The following KCNIP4 variants were observed in gnomAD, a reference collection of about 807,000 sequenced individuals.
KCNIP4 encodes the protein potassium voltage-gated channel interacting protein 4, also known as Kv channel-interacting protein 4.
Under a neutral mutation model 34.0 loss-of-function variants are expected in KCNIP4, and 12 were observed. That is an observed-to-expected ratio of 0.35 (90% CI 0.23 to 0.57). The LOEUF (loss-of-function observed/expected upper bound fraction) is 0.57. Among genes scored for constraint, KCNIP4 ranks in the 20% least tolerant of loss-of-function variants. The pLI is 0.83. For missense variants in KCNIP4, 238 were observed against 311.7 expected (o/e 0.76, Z 1.78); for synonymous variants, 124 against 102.2 (o/e 1.21, Z -1.29).
chr4:21,272,198 A>G (rs1762192990), intron 1 of KCNIP4, among the ~76,000 whole-genome samples: 1 of 152,138 alleles, frequency 6.6e-6, no homozygotes, highest in African/African-American at 2.4e-5. Flanking sequence ...CATCATACAT[A>G]ATTCAGGATA....
chr4:21,370,845 A>G (rs1259334303), intron 1 of KCNIP4, among the ~76,000 whole-genome samples: 4 of 36,782 alleles, frequency 1.1e-4, no homozygotes, highest in Non-Finnish European at 1.7e-4. Flanking sequence ...ATATATATAT[A>G]TATATACACA....
At chr4:21,220,250 C>A (rs538710652) in intron 1 of KCNIP4, among the ~76,000 whole-genome samples, 1 of 152,110 alleles carries the variant, frequency 6.6e-6, no homozygotes, top group Non-Finnish European at 1.5e-5. Context: ...CAGCTCTAAC[C>A]ATGGGCACAA....
At chr4:20,938,884 C>T (rs1577399061) in intron 1 of KCNIP4, among the ~76,000 whole-genome samples, 1 of 152,314 alleles carries the variant, frequency 6.6e-6, no homozygotes, top group South Asian at 2.1e-4. Flanking sequence ...TTATCCTGAA[C>T]TTCACATAGA....
At chr4:21,153,033 T>C (rs1323008740) in intron 1 of KCNIP4, among the ~76,000 whole-genome samples, 5 of 152,202 alleles carry the variant, frequency 3.3e-5, no homozygotes, top group African/African-American at 1.2e-4. Context: ...TCATCATTGA[T>C]TCAACTATTC....
intron 1 of KCNIP4, among the ~76,000 whole-genome samples, chr4:21,326,064 T>C (rs1715004831): frequency 6.6e-6 from 1 of 151,918 alleles, no homozygotes; most frequent in Admixed American, 6.6e-5. Context: ...TAATGTGTAT[T>C]CTGCAGCTGG....
At chr4:20,912,169 T>A (rs373970976) in intron 1 of KCNIP4, among the ~76,000 whole-genome samples, 1 of 152,196 alleles carries the variant, frequency 6.6e-6, no homozygotes, top group South Asian at 2.1e-4. Context: ...CTCCTCTGCT[T>A]ATCCTTCAGG....
intron 3 of KCNIP4, among the ~76,000 whole-genome samples, chr4:20,845,898 T>C (rs144245300): frequency 1.5e-3 from 225 of 152,242 alleles, no homozygotes; most frequent in African/African-American, 5.0e-3. Context: ...TGCAGCCCAA[T>C]CATGATTCTA....
rs531922591 is a variant in KCNIP4 at position 20,940,053 on chromosome 4, T to C, written c.62-57344A>G. 2.8e-4 allele frequency among the ~76,000 whole-genome samples: 42 copies of C among 152,324 alleles called. No homozygotes were observed. The South Asian group carries it at 7.5e-3, about 27-fold the overall frequency. Reference sequence around the variant, plus strand: ...TTTCTTACAACTGCCTGACTTGTACTTTATGTAGATCTCTCAATCCATCAA... The same window carrying C: ...TTTCTTACAACTGCCTGACTTGTACCTTATGTAGATCTCTCAATCCATCAA... On this transcript the variant is annotated intron_variant, in intron 1 of 8. Coordinates refer to ENST00000382152, the MANE Select transcript of KCNIP4 (RefSeq NM_025221.6).
At chr4:21,084,398 T>C (rs1746245600) in intron 1 of KCNIP4, among the ~76,000 whole-genome samples, 1 of 149,646 alleles carries the variant, frequency 6.7e-6, no homozygotes, top group South Asian at 2.1e-4. Context: ...GCAAGAGAAA[T>C]GGCAATGATG....
chr4:20,864,304 G>A (rs2149499953), intron 2 of KCNIP4, among the ~76,000 whole-genome samples: 1 of 150,864 alleles, frequency 6.6e-6, no homozygotes, highest in South Asian at 2.1e-4. Context: ...ACATATGTAT[G>A]CATATATACA....
chr4:21,919,779 C>T (rs1330226571), intron 1 of KCNIP4, among the ~76,000 whole-genome samples: 1 of 152,032 alleles, frequency 6.6e-6, no homozygotes, highest in Non-Finnish European at 1.5e-5. Flanking sequence ...ATTTTCTATA[C>T]TTAGAAAAAT....
intron 5 of KCNIP4, among the ~76,000 whole-genome samples, chr4:20,735,464 C>T (rs1315019300): frequency 6.6e-6 from 1 of 150,884 alleles, no homozygotes; most frequent in Non-Finnish European, 1.5e-5. Context: ...AGTTTGTATC[C>T]TGGTTAGATT....
chr4:21,307,415 C>G (rs987088220), intron 1 of KCNIP4, among the ~76,000 whole-genome samples: 11 of 152,094 alleles, frequency 7.2e-5, no homozygotes, highest in Admixed American at 1.3e-4. Flanking sequence ...CCTCCCTCAC[C>G]TGGCCCTGGA....
intron 1 of KCNIP4, among the ~76,000 whole-genome samples, chr4:20,915,488 T>C (rs972530586): frequency 2.0e-5 from 3 of 152,190 alleles, no homozygotes; most frequent in African/African-American, 7.2e-5. Flanking sequence ...AATATTTTGA[T>C]TAATACAACA....
At chr4:21,727,041 T>C (rs1280244665) in intron 1 of KCNIP4, among the ~76,000 whole-genome samples, 10 of 141,930 alleles carry the variant, frequency 7.0e-5, no homozygotes, top group African/African-American at 2.0e-4. Flanking sequence ...ATTTCTCAAA[T>C]GTTTTGTTGG....
intron 3 of KCNIP4, among the ~76,000 whole-genome samples, chr4:20,841,280 C>T (rs1379109000): frequency 6.6e-6 from 1 of 152,120 alleles, no homozygotes; most frequent in African/African-American, 2.4e-5. Context: ...TATTGATTAC[C>T]TGTCATATAC....
intron 1 of KCNIP4, among the ~76,000 whole-genome samples, chr4:21,475,118 C>T (rs1023210967): frequency 1.3e-5 from 2 of 151,942 alleles, no homozygotes; most frequent in African/African-American, 2.4e-5. Context: ...TTTGTTCATA[C>T]TCTCTCCTAA....
intron 1 of KCNIP4, among the ~76,000 whole-genome samples, chr4:21,122,451 G>C (rs1577730019): frequency 7.5e-6 from 1 of 133,810 alleles, no homozygotes; most frequent in Non-Finnish European, 1.6e-5. Flanking sequence ...AATTTTTGCA[G>C]ATCAAGTTTT....
chr4:20,991,151 A>G (rs867308566), intron 1 of KCNIP4, among the ~76,000 whole-genome samples: 1 of 152,202 alleles, frequency 6.6e-6, no homozygotes, highest in East Asian at 1.9e-4. Flanking sequence ...GGGTTCTTAC[A>G]TTGGAGGGGA....
Sources: allele counts gnomAD v4.1 joint callset (sites outside exome capture counted in the v4.1 genomes callset), GRCh38; gene constraint gnomAD v4.1.1; transcripts MANE v1.5; gene names NCBI Gene and HGNC (gene_info 2026-07-23, HGNC 2026-07-21).